Variants in ADAM18 observed in about 807,000 individuals in gnomAD.
ADAM18 encodes the protein disintegrin and metalloproteinase domain-containing protein 18.
Under a neutral mutation model 94.4 loss-of-function variants are expected in ADAM18, and 117 were observed. The ratio of observed to expected loss-of-function variants is 1.24; its 90% CI spans 1.07 to 1.45. The LOEUF (loss-of-function observed/expected upper bound fraction) is 1.45. ADAM18 is among the 40% of genes most tolerant of loss of function. The pLI is 0.00. For synonymous variants in ADAM18, 327 were observed against 291.6 expected (o/e 1.12, Z -1.24); for missense variants, 936 against 880.0 (o/e 1.06, Z -0.81).
chr8:39,599,465 C>G (rs1818838779), intron 2 of ADAM18, among the ~76,000 whole-genome samples: 1 of 152,014 alleles, frequency 6.6e-6, no homozygotes, highest in Non-Finnish European at 1.5e-5. Context: ...GTAGAATTTA[C>G]CAGTGAATCC....
chr8:39,699,476 A>G (rs1013779659), intron 17 of ADAM18, among the ~76,000 whole-genome samples: 2 of 152,050 alleles, frequency 1.3e-5, no homozygotes, highest in Middle Eastern at 3.4e-3. Context: ...TTTAGGATAA[A>G]CCCTCCTTAG....
At chr8:39,706,718 C>A in intron 17 of ADAM18, 72 bp from the exon 18 acceptor site, 1 of 650,746 alleles carries the variant, frequency 1.5e-6, no homozygotes, top group Non-Finnish European at 2.6e-6. Flanking sequence ...TTATTTATAT[C>A]AGATACAAAG....
At chr8:39,636,045 GC>G (rs1820068377) in intron 7 of ADAM18, among the ~76,000 whole-genome samples, 1 of 146,284 alleles carries the variant, frequency 6.8e-6, no homozygotes, top group Non-Finnish European at 1.5e-5. Flanking sequence ...GAGAGAGGGG[GC>G]CTCACTCTCT....
chr8:39,626,189 G>C (rs1819763399), intron 6 of ADAM18, among the ~76,000 whole-genome samples: 1 of 152,086 alleles, frequency 6.6e-6, no homozygotes, highest in South Asian at 2.1e-4. Context: ...AGATTTTCTA[G>C]TTTGTGTGCA....
At chr8:39,616,555 A>G (rs1423276111) in intron 6 of ADAM18, among the ~76,000 whole-genome samples, 1 of 152,250 alleles carries the variant, frequency 6.6e-6, no homozygotes, top group Non-Finnish European at 1.5e-5. Flanking sequence ...AAAGAGCCTG[A>G]ATAGCCAAAG....
chr8:39,652,576 C>A (rs1327204869), intron 12 of ADAM18, among the ~76,000 whole-genome samples: 2 of 151,988 alleles, frequency 1.3e-5, no homozygotes, highest in Admixed American at 1.3e-4. Context: ...GTAAAGGAAA[C>A]CTTTGCACAC....
chr8:39,706,680 G>T, intron 17 of ADAM18, 110 bp from the exon 18 acceptor site: 1 of 539,478 alleles, frequency 1.9e-6, no homozygotes, highest in Admixed American at 3.3e-5. Flanking sequence ...ATAATCTTAA[G>T]AAAAAATAAT....
At chr8:39,618,816 T>G (rs1373425748) in intron 6 of ADAM18, among the ~76,000 whole-genome samples, 1 of 152,200 alleles carries the variant, frequency 6.6e-6, no homozygotes, top group Non-Finnish European at 1.5e-5. Flanking sequence ...GGAATCTTGG[T>G]GATGTGAAAC....
At chr8:39,669,406 T>C (rs1821089001) in intron 14 of ADAM18, among the ~76,000 whole-genome samples, 1 of 151,424 alleles carries the variant, frequency 6.6e-6, no homozygotes, top group Non-Finnish European at 1.5e-5. Flanking sequence ...GTTGGTGTGC[T>C]GCACCCAGTA....
chr8:39,725,204 T>C (rs1367109567), intron 19 of ADAM18, among the ~76,000 whole-genome samples: 1 of 152,028 alleles, frequency 6.6e-6, no homozygotes, highest in Non-Finnish European at 1.5e-5. Context: ...TACAAATACG[T>C]ATACATACTT....
chr8:39,668,772 TTAAAA>T (rs1333432630), intron 14 of ADAM18, among the ~76,000 whole-genome samples: 3 of 152,056 alleles, frequency 2.0e-5, no homozygotes, highest in Non-Finnish European at 2.9e-5. Flanking sequence ...TTTAGAGAAA[TTAAAA>T]TAATAGAAAC....
intron 2 of ADAM18, among the ~76,000 whole-genome samples, chr8:39,586,803 T>TCTATCTA (rs572485334): frequency 7.8e-5 from 8 of 101,968 alleles, no homozygotes; most frequent in Admixed American, 1.1e-4. Context: ...TATCTATCTA[T>TCTATCTA]ATCTATCTAT....
intron 12 of ADAM18, among the ~76,000 whole-genome samples, chr8:39,650,514 G>T (rs886493647): frequency 2.0e-5 from 3 of 151,948 alleles, no homozygotes; most frequent in Non-Finnish European, 4.4e-5. Context: ...GTATGAAAAA[G>T]AAATCAAGAA....
intron 10 of ADAM18, among the ~76,000 whole-genome samples, chr8:39,643,684 C>T (rs1820298586): frequency 6.6e-6 from 1 of 152,014 alleles, no homozygotes; most frequent in Admixed American, 6.6e-5. Flanking sequence ...TGGTGGTTTG[C>T]TGGCAATCTT....
chr8:39,679,907 T>A, intron 15 of ADAM18, 130 bp from the exon 16 acceptor site: 1 of 787,286 alleles, frequency 1.3e-6, no homozygotes, highest in Non-Finnish European at 2.0e-6. Context: ...CATAAAATAA[T>A]GTTTCAGTTT....
At chr8:39,707,024 TG>T in intron 18 of ADAM18, 120 bp downstream of exon 18, 1 of 590,722 alleles carries the variant, frequency 1.7e-6, no homozygotes, top group Non-Finnish European at 3.0e-6. Context: ...CCTCCTTATT[TG>T]TGGGGGATAC....
intron 6 of ADAM18, among the ~76,000 whole-genome samples, chr8:39,623,628 G>A (rs1038168007): frequency 1.3e-5 from 2 of 151,626 alleles, no homozygotes; most frequent in East Asian, 1.9e-4. Context: ...ACGGAGTCTC[G>A]CTCTGTCGCC....
chr8:39,606,389 G>C, intron 3 of ADAM18, 27 bp downstream of exon 3: 1 of 1,421,912 alleles, frequency 7.0e-7, no homozygotes, highest in Non-Finnish European at 9.7e-7. Flanking sequence ...TTTTCATTAA[G>C]GAAAAGGGAA....
At chr8:39,681,532 T>C (rs1322383188) in intron 16 of ADAM18, among the ~76,000 whole-genome samples, 1 of 152,224 alleles carries the variant, frequency 6.6e-6, no homozygotes, top group Admixed American at 6.5e-5. Flanking sequence ...TAATTTGTTA[T>C]GCAGCAACAG....
Sources: gnomAD v4.1 joint callset for allele counts (sites outside exome capture counted in the v4.1 genomes callset) on GRCh38, gnomAD v4.1.1 for gene constraint, MANE v1.5 for transcripts, NCBI Gene and HGNC (gene_info 2026-07-23, HGNC 2026-07-21) for gene names.